The following SLC33A1 variants were observed in gnomAD, a reference collection of about 807,000 sequenced individuals.
SLC33A1 encodes solute carrier family 33 member 1.
In SLC33A1, 20 loss-of-function variants were observed where a neutral mutation model predicts 50.0. That is an observed-to-expected ratio of 0.40 (90% CI 0.28 to 0.58). The LOEUF (loss-of-function observed/expected upper bound fraction) is 0.58. Among genes scored for constraint, SLC33A1 ranks in the 20% least tolerant of loss-of-function variants. SLC33A1 has a pLI of 0.44. For synonymous variants in SLC33A1, 265 were observed against 251.8 expected (o/e 1.05, Z -0.50); for missense variants, 476 against 657.0 (o/e 0.72, Z 3.01).
chr3:155,849,742 T>C (rs1753321537), intron 1 of SLC33A1, among the ~76,000 whole-genome samples: 1 of 151,360 alleles, frequency 6.6e-6, no homozygotes, highest in Non-Finnish European at 1.5e-5. Flanking sequence ...ACCCCATCTC[T>C]ACCAAAAATA....
chr3:155,835,645 C>A (rs1752623283), intron 2 of SLC33A1, among the ~76,000 whole-genome samples: 2 of 152,122 alleles, frequency 1.3e-5, no homozygotes, highest in African/African-American at 4.8e-5. Context: ...AGAGAACCTG[C>A]CTGCATGATA....
In SLC33A1 at chr3:155,823,254, G is replaced by C. The variant is rs1014850389; in HGVS notation, c.*4956C>G. On this transcript the variant is annotated 3_prime_UTR_variant, in exon 6 of 6. Transcript: ENST00000643144. ...GCTGATTCTACCTTGCTAGCAAATT[G>C]GGGAAGTAACATGAAGACTCTAATA... The C allele has an allele frequency of 4.5e-4, 69 of 152,168 alleles. No homozygotes were observed. Among genetic ancestry groups the C allele is most frequent in the African/African-American group, 1.5e-3 (63 of 41,436 alleles). The allele number at this position is 152,168 out of a possible 1,614,324, so 9.4% of individuals were successfully genotyped here.
chr3:155,837,539 C>T (rs766046269), intron 2 of SLC33A1, among the ~76,000 whole-genome samples: 2 of 151,928 alleles, frequency 1.3e-5, no homozygotes, highest in Admixed American at 6.6e-5. Context: ...ATATATTTAC[C>T]AATGAGAAAT....
chr3:155,828,963 C>T (rs545517215), intron 5 of SLC33A1, among the ~76,000 whole-genome samples: 39 of 148,016 alleles, frequency 2.6e-4, no homozygotes, highest in Middle Eastern at 3.4e-3. Flanking sequence ...AGTACAGGGG[C>T]GCGATCTCAG....
At chr3:155,828,568 A>C (rs1752281003) in intron 5 of SLC33A1, among the ~76,000 whole-genome samples, 191 bp from the exon 6 acceptor site, 1 of 152,126 alleles carries the variant, frequency 6.6e-6, no homozygotes, top group African/African-American at 2.4e-5. Context: ...ATTAAAAACA[A>C]TTTTCAGTTC....
chr3:155,836,558 T>C (rs1008041672), intron 2 of SLC33A1, among the ~76,000 whole-genome samples: 1 of 152,080 alleles, frequency 6.6e-6, no homozygotes, highest in African/African-American at 2.4e-5. Flanking sequence ...GTAGGAGATA[T>C]TTGTAATACA....
At position 155,823,198 on chromosome 3, in the gene SLC33A1, A is replaced by G. The variant is rs571365602; in HGVS notation, c.*5012T>C. ...CTATAAGACCTGCCTCTTCCAAAAC[A>G]GAATTCCAATAAGGAAAATAAGCTA... On this transcript the variant is annotated 3_prime_UTR_variant, in exon 6 of 6. Transcript: ENST00000643144. 71 of 152,348 alleles carry G rather than the reference A, an allele frequency of 4.7e-4. No homozygotes were observed. The highest frequency in any genetic ancestry group is 1.7e-3 in the African/African-American group (69 of 41,592). 9.4% of individuals were successfully genotyped at this position (152,348 alleles called of 1,614,324 possible).
chr3:155,830,143 C>G (rs1432427568), intron 4 of SLC33A1, among the ~76,000 whole-genome samples: 1 of 150,606 alleles, frequency 6.6e-6, no homozygotes, highest in Non-Finnish European at 1.5e-5. Context: ...GCGGGCGGAT[C>G]ACAAGGTCAG....
At chr3:155,850,621 CTT>C (rs113648327) in intron 1 of SLC33A1, among the ~76,000 whole-genome samples, 1 of 144,088 alleles carries the variant, frequency 6.9e-6, no homozygotes, top group African/African-American at 2.5e-5. Context: ...CTGACTTATT[CTT>C]TTTTTTTTTT....
At position 155,853,474 on chromosome 3, in the gene SLC33A1, T is replaced by A; in HGVS notation, c.524A>T (p.Asp175Val). 6.2e-7 allele frequency: 1 copy of A among 1,614,016 alleles called. No homozygotes were observed. The highest frequency in any genetic ancestry group is 8.5e-7 in the Non-Finnish European group (1 of 1,180,008). ...LLGNTDDRTPDVIALTVAFFL... is the reference protein window; with the variant it reads ...LLGNTDDRTPVVIALTVAFFL... The stretch of plus-strand genomic sequence containing the variant: ...GAACGCCACAGTGAGAGCAATCACG[T>A]CGGGTGTTCTGTCATCGGTATTCCC... The change falls in exon 1 of 6, where the codon GAC (aspartate) becomes GTC (valine). Residue 175 changes from aspartate to valine, a missense_variant. By Grantham distance (152) the Asp-to-Val change is radical. Transcript: ENST00000643144.
intron 2 of SLC33A1, among the ~76,000 whole-genome samples, chr3:155,834,594 CA>C (rs1752577875): frequency 6.6e-6 from 1 of 151,808 alleles, no homozygotes; most frequent in African/African-American, 2.4e-5. Flanking sequence ...TAAAACAGCA[CA>C]AAAAAGAGTA....
At chr3:155,845,163 G>A (rs1753119598) in intron 1 of SLC33A1, 1 of 152,090 alleles carries the variant, frequency 6.6e-6, no homozygotes, top group Non-Finnish European at 1.5e-5. Context: ...TAAGACTTAA[G>A]TAGTTCCATT....
intron 2 of SLC33A1, among the ~76,000 whole-genome samples, chr3:155,836,851 C>T (rs142829229): frequency 6.6e-6 from 1 of 152,194 alleles, no homozygotes; most frequent in African/African-American, 2.4e-5. Flanking sequence ...GTGATGGTGC[C>T]ACTGCACTCC....
chr3:155,828,900 T>G (rs1034592663), intron 5 of SLC33A1, among the ~76,000 whole-genome samples: 6 of 150,848 alleles, frequency 4.0e-5, no homozygotes, highest in Non-Finnish European at 3.0e-5. Context: ...GAATATGTTT[T>G]TTTTTTTTTT....
chr3:155,841,360 A>C lies in SLC33A1; in HGVS notation c.963+1072T>G, dbSNP rs570061142. Among the ~76,000 whole-genome samples, 4 of 152,176 alleles carry C rather than the reference A, an allele frequency of 2.6e-5. No individual in the cohort carries two copies. In the South Asian group the frequency reaches 8.3e-4, roughly 32 times the overall value. Reference sequence around the variant, plus strand: ...AGCCAGCACATCTGGCCTTCTTTCTATCATTAAGAGGAAAAAACACTCACT... The same window carrying C: ...AGCCAGCACATCTGGCCTTCTTTCTCTCATTAAGAGGAAAAAACACTCACT... On this transcript the variant is annotated intron_variant, in intron 2 of 5. Transcript: ENST00000643144.
rs13061793 is a variant in SLC33A1 at position 155,849,075 on chromosome 3, G to A, written c.775+4148C>T. Among the ~76,000 whole-genome samples the A allele has an allele frequency of 4.0e-3, 602 of 151,772 alleles. 3 individuals are homozygous for A. The highest frequency in any genetic ancestry group is 7.5e-3 in the Non-Finnish European group (508 of 67,928). ...ATCACAGGTATGCGCCACCACACCC[G>A]GCTAATTTTTTGTATTTTTAGTAGA... On this transcript the variant is annotated intron_variant, in intron 1 of 5. Transcript: ENST00000643144.
chr3:155,838,807 G>A (rs922080176), intron 2 of SLC33A1, among the ~76,000 whole-genome samples: 1 of 151,814 alleles, frequency 6.6e-6, no homozygotes, highest in Non-Finnish European at 1.5e-5. Context: ...TTATGACCAT[G>A]CCACAGCACT....
chr3:155,827,010 A>G lies in SLC33A1; in HGVS notation c.*1200T>C, dbSNP rs886058102. The G allele has an allele frequency of 6.6e-6, 1 of 152,158 alleles. No individual in the cohort carries two copies. The highest frequency in any genetic ancestry group is 6.5e-5 in the Admixed American group (1 of 15,268). 9.4% of individuals were successfully genotyped at this position (152,158 alleles called of 1,614,324 possible). A position where few individuals can be genotyped will look rare whatever the true frequency, so the allele number is the denominator to read the frequency against. ...ACTGGGTGTATGTAATACGCTGGGAATTGCTAAAGTACTCAAAAGCTTAAT... is the reference window on the plus strand; with the variant it reads ...ACTGGGTGTATGTAATACGCTGGGAGTTGCTAAAGTACTCAAAAGCTTAAT... On this transcript the variant is annotated 3_prime_UTR_variant, in exon 6 of 6. Coordinates refer to ENST00000643144, the MANE Select transcript of SLC33A1 (RefSeq NM_004733.4).
Position 155,847,520 on chromosome 3 carries a change from G to A in SLC33A1, c.776-4901C>T, listed in dbSNP as rs551187746. Among the ~76,000 whole-genome samples, 508 of 152,066 alleles carry A rather than the reference G, an allele frequency of 3.3e-3. 1 individual carries two copies. Among genetic ancestry groups the A allele is most frequent in the Non-Finnish European group, 4.4e-3 (300 of 67,998 alleles). ...AGCACTTTGGGAAGCTGAGGTGGGC[G>A]GATCACCTGAGGTCAGGAGTTCGAG... On this transcript the variant is annotated intron_variant, in intron 1 of 5. Transcript: ENST00000643144.
Sources: gnomAD v4.1 joint callset for allele counts (sites outside exome capture counted in the v4.1 genomes callset) on GRCh38, gnomAD v4.1.1 for gene constraint, MANE v1.5 for transcripts, NCBI Gene and HGNC (gene_info 2026-07-23, HGNC 2026-07-21) for gene names.